Variants in ATP11A observed in about 807,000 individuals in gnomAD.
The protein encoded by ATP11A is phospholipid-transporting ATPase IH.
In ATP11A, 81 loss-of-function variants were observed where a neutral mutation model predicts 154.4. The observed-to-expected ratio is 0.52, with a 90% confidence interval of 0.44 to 0.63. The LOEUF is 0.63. Among genes scored for constraint, ATP11A ranks in the 30% least tolerant of loss-of-function variants. The probability of loss-of-function intolerance (pLI) is 0.00; values close to 1 mark genes in which losing one functional copy is unlikely to be tolerated. For synonymous variants in ATP11A, 623 were observed against 585.9 expected, an observed-to-expected ratio of 1.06 and a Z score of -0.91; for missense variants, 1,316 against 1,474.3, an observed-to-expected ratio of 0.89 and a Z score of 1.76.
At chr13:112,846,130 G>C (rs913389186) in intron 17 of ATP11A, among the ~76,000 whole-genome samples, 1 of 152,142 alleles carries the variant, frequency 6.6e-6, no homozygotes, top group Non-Finnish European at 1.5e-5. Context: ...TTCGTGATGG[G>C]ATGCCTTGGT....
intron 29 of ATP11A, chr13:112,880,256 C>G (rs1456065911): frequency 6.2e-6 from 1 of 160,474 alleles, no homozygotes; most frequent in East Asian, 1.8e-4. Context: ...GACCTTCCAG[C>G]CGAGGGACCT....
At chr13:112,871,371 C>G (rs1198797317) in intron 25 of ATP11A, among the ~76,000 whole-genome samples, 1 of 152,100 alleles carries the variant, frequency 6.6e-6, no homozygotes, top group Admixed American at 6.5e-5. Context: ...TATTTAAATG[C>G]CAGCTGTGAG....
At chr13:112,766,709 C>T (rs1213222791) in intron 1 of ATP11A, among the ~76,000 whole-genome samples, 2 of 152,014 alleles carry the variant, frequency 1.3e-5, no homozygotes, top group Non-Finnish European at 2.9e-5. Context: ...CCTCTTCCCT[C>T]CATATTCACT....
At chr13:112,784,030 G>A (rs545484454) in intron 1 of ATP11A, among the ~76,000 whole-genome samples, 1 of 152,310 alleles carries the variant, frequency 6.6e-6, no homozygotes, top group East Asian at 1.9e-4. Context: ...CAAGAGCCTG[G>A]AGAGCTCTTG....
At position 112,816,112 on chromosome 13, in the gene ATP11A, C is replaced by G; in HGVS notation, c.471C>G (p.Asp157Glu). ...GGGACATTGTCATGGTTAAGGAGGACGAGACCTTTCCCTGCGACTTGATCT... is the reference window on the plus strand; with the variant it reads ...GGGACATTGTCATGGTTAAGGAGGAGGAGACCTTTCCCTGCGACTTGATCT... Reference protein sequence around the residue: ...RVGDIVMVKEDETFPCDLIFL... With the variant: ...RVGDIVMVKEEETFPCDLIFL... The change falls in exon 6 of 30, where the codon GAC becomes GAG. Residue 157 changes from aspartate (D) to glutamate (E), a missense_variant. By Grantham distance (45) the Asp-to-Glu change is conservative. Coordinates refer to ENST00000375645, the MANE Select transcript of ATP11A (RefSeq NM_015205.3). The G allele has an allele frequency of 6.2e-7, 1 of 1,614,190 alleles. No homozygotes were observed. Among genetic ancestry groups the G allele is most frequent in the South Asian group, 1.1e-5 (1 of 91,080 alleles).
At chr13:112,773,464 C>T (rs533076134) in intron 1 of ATP11A, among the ~76,000 whole-genome samples, 12 of 152,216 alleles carry the variant, frequency 7.9e-5, no homozygotes, top group Non-Finnish European at 1.8e-4. Context: ...GGTCCCAAGC[C>T]GATGCCAGGC....
Position 112,775,677 on chromosome 13 carries a change from C to A in ATP11A, c.40-9458C>A, listed in dbSNP as rs140709527. Among the ~76,000 whole-genome samples, 123 of 152,118 alleles carry A rather than the reference C, an allele frequency of 8.1e-4. 1 individual carries two copies. Among genetic ancestry groups the A allele is most frequent in the Admixed American group, 1.7e-3 (26 of 15,292 alleles). ...GAGATCTGGGTGATTTATTTCCTTA[C>A]TCCAGTTTTCTGCACGTTTGAATTA... On this transcript the variant is annotated intron_variant, in intron 1 of 29. Transcript: ENST00000375645.
Position 112,818,194 on chromosome 13 carries a change from T to G in ATP11A, c.571-1110T>G, listed in dbSNP as rs1175942046. Among the ~76,000 whole-genome samples the G allele has an allele frequency of 7.1e-5, 10 of 140,348 alleles. No individual in the cohort carries two copies. In the East Asian group the frequency reaches 2.1e-3, roughly 29 times the overall value. The allele number at this position is 140,348 out of a possible 152,430, so 92.1% of individuals were successfully genotyped here. On this transcript the variant is annotated intron_variant, in intron 6 of 29. Coordinates refer to ENST00000375645, the MANE Select transcript of ATP11A (RefSeq NM_015205.3). ...ACAGGGCGGTGACCGTCGGTGCGCTTGGTGACGGGCAGTGACTGTTGGTGC... is the reference window on the plus strand; with the variant it reads ...ACAGGGCGGTGACCGTCGGTGCGCTGGGTGACGGGCAGTGACTGTTGGTGC...
intron 1 of ATP11A, among the ~76,000 whole-genome samples, chr13:112,774,589 C>T (rs2077301921): frequency 6.6e-6 from 1 of 152,244 alleles, no homozygotes; most frequent in Admixed American, 6.5e-5. Flanking sequence ...ACAGTTGCGG[C>T]TCATTTCAAG....
chr13:112,824,141 T>C (rs2078871310), intron 9 of ATP11A, among the ~76,000 whole-genome samples: 1 of 152,082 alleles, frequency 6.6e-6, no homozygotes, highest in Non-Finnish European at 1.5e-5. Flanking sequence ...AAATGAAGCA[T>C]AGATTGCTTC....
intron 1 of ATP11A, among the ~76,000 whole-genome samples, chr13:112,701,182 C>T (rs1886478710): frequency 6.6e-6 from 1 of 152,202 alleles, no homozygotes. Context: ...ATGATTTCTC[C>T]ATGTCCCCTG....
At chr13:112,818,211 T>TCGGTGCGCTTGGTGACGGGGCGGTGACC (rs1566525946) in intron 6 of ATP11A, among the ~76,000 whole-genome samples, 1 of 146,414 alleles carries the variant, frequency 6.8e-6, no homozygotes, top group African/African-American at 2.5e-5. Flanking sequence ...GGGCAGTGAC[T>TCGGTGCGCTTGGTGACGGGGCGGTGACC]GTTGGTGCGC....
chr13:112,747,557 C>T (rs1303632215), intron 1 of ATP11A: 1 of 152,232 alleles, frequency 6.6e-6, no homozygotes, highest in East Asian at 1.9e-4. Context: ...AACACAGGGC[C>T]TGGTATGGTG....
At position 112,882,422 on chromosome 13, in the gene ATP11A, GCCCTCCATA is replaced by G. The variant is rs2080907768; in HGVS notation, c.*557_*565del. On this transcript the variant is annotated 3_prime_UTR_variant, in exon 30 of 30. Coordinates refer to ENST00000375645, the MANE Select transcript of ATP11A (RefSeq NM_015205.3). The surrounding 1 kb of genome is among the most constrained non-coding windows in gnomAD (Gnocchi z 5.1). ...TCCTGCTTGCCCGGCCACCACCCAT[GCCCTCCATA>G]GGGTGAGGTGGAGCCATGGTGGTGC... 4.6e-6 allele frequency: 2 copies of G among 433,146 alleles called. No homozygotes were observed. The highest frequency in any genetic ancestry group is 8.4e-6 in the Non-Finnish European group (2 of 237,102). 26.8% of individuals were successfully genotyped at this position (433,146 alleles called of 1,614,324 possible). A position where few individuals can be genotyped will look rare whatever the true frequency, so the allele number is the denominator to read the frequency against.
chr13:112,770,776 G>T (rs2077207220), intron 1 of ATP11A, among the ~76,000 whole-genome samples: 1 of 152,230 alleles, frequency 6.6e-6, no homozygotes, highest in African/African-American at 2.4e-5. Flanking sequence ...TGGACTGCTA[G>T]GAGGCGGCGA....
In ATP11A at chr13:112,840,187, C is replaced by T. The variant is rs114581567; in HGVS notation, c.1706-2089C>T. ...TCCCATCCCCCCCAGCCTCAGCCTC[C>T]CCACTCTCCCGTGCCGTCCAGCCTC... On this transcript the variant is annotated intron_variant, in intron 16 of 29. Transcript: ENST00000375645. 9.0e-3 allele frequency among the ~76,000 whole-genome samples: 1,001 copies of T among 111,204 alleles called. 74 individuals carry two copies. Among genetic ancestry groups the T allele is most frequent in the African/African-American group, 0.038 (868 of 23,028 alleles). 73.0% of individuals were successfully genotyped at this position (111,204 alleles called of 152,430 possible).
At position 112,857,237 on chromosome 13, in the gene ATP11A, G is replaced by T. The variant is rs188271026; in HGVS notation, c.2419-581G>T. Among the ~76,000 whole-genome samples, 27 of 152,126 alleles carry T rather than the reference G, an allele frequency of 1.8e-4. No homozygotes were observed. In the East Asian group the frequency reaches 5.2e-3, roughly 29 times the overall value. ...TTGAACTGTTACATTTAGGCACATA[G>T]ATGGGGGGGAAAAGATTATAAAGAA... On this transcript the variant is annotated intron_variant, in intron 20 of 29. Transcript: ENST00000375645.
chr13:112,848,422 C>T (rs1232480777), intron 17 of ATP11A, among the ~76,000 whole-genome samples: 1 of 152,018 alleles, frequency 6.6e-6, no homozygotes, highest in Non-Finnish European at 1.5e-5. Flanking sequence ...ACTTTGTACC[C>T]TGTGTCTTTG....
intron 16 of ATP11A, among the ~76,000 whole-genome samples, chr13:112,839,580 C>G (rs538312217): frequency 1.1e-4 from 17 of 152,312 alleles, no homozygotes; most frequent in Admixed American, 7.8e-4. Flanking sequence ...CACGGCTGCA[C>G]CTGCGACACA....
Sources: gnomAD v4.1 joint callset for allele counts (sites outside exome capture counted in the v4.1 genomes callset) on GRCh38, gnomAD v4.1.1 for gene constraint, Gnocchi (gnomAD v3.1) non-coding constraint, MANE v1.5 for transcripts, NCBI Gene and HGNC (gene_info 2026-07-23, HGNC 2026-07-21) for gene names.